The following USP40 variants were observed in gnomAD, a reference collection of about 807,000 sequenced individuals.
USP40 encodes ubiquitin carboxyl-terminal hydrolase 40.
Under a neutral mutation model 166.2 loss-of-function variants are expected in USP40, and 143 were observed. That is an observed-to-expected ratio of 0.86 (90% CI 0.75 to 0.99). USP40 has a LOEUF of 0.99. USP40 is among the 50% of genes least tolerant of loss of function. The pLI is 0.00. For missense variants in USP40, 1,444 were observed against 1,479.7 expected (o/e 0.98, Z 0.40); for synonymous variants, 498 against 524.0 (o/e 0.95, Z 0.68).
chr2:233,508,595 C>T (rs963558324), intron 21 of USP40, among the ~76,000 whole-genome samples: 1 of 152,002 alleles, frequency 6.6e-6, no homozygotes, highest in East Asian at 1.9e-4. Flanking sequence ...TTTTTTGGGG[C>T]TAGCAATCTT....
At position 233,486,577 on chromosome 2, in the gene USP40, G is replaced by T. The variant is rs527692774; in HGVS notation, c.3198-600C>A. ...TGCAGAGGTCAGCACAGGCCATGGA[G>T]GAAAAGCTATAGATAAGAACTGGAA... On this transcript the variant is annotated intron_variant, in intron 28 of 31. Coordinates refer to ENST00000678225, the MANE Select transcript of USP40 (RefSeq NM_001365479.2). This position sits in a 1 kb window ranked among gnomAD's most constrained non-coding sequence, Gnocchi z 4.0. Among the ~76,000 whole-genome samples the T allele has an allele frequency of 1.6e-4, 25 of 152,192 alleles. No individual in the cohort carries two copies. Among genetic ancestry groups the T allele is most frequent in the Non-Finnish European group, 3.5e-4 (24 of 68,028 alleles).
intron 3 of USP40, chr2:233,560,898 C>G: frequency 1.6e-6 from 1 of 613,920 alleles, no homozygotes. Flanking sequence ...GCAAATATTT[C>G]CTTCACCAGA....
intron 2 of USP40, among the ~76,000 whole-genome samples, chr2:233,564,483 T>G (rs888150412): frequency 7.2e-5 from 11 of 152,088 alleles, no homozygotes; most frequent in South Asian, 6.3e-4. Flanking sequence ...GAGAAATATA[T>G]AGAGAGAAAC....
At chr2:233,512,782 A>G in intron 18 of USP40, 160 bp from the exon 19 acceptor site, 1 of 359,236 alleles carries the variant, frequency 2.8e-6, no homozygotes. Context: ...AAAGCTAAAA[A>G]CAAAAACAAA....
rs1418685663 is a variant in USP40, at chr2:233,489,357, GA to G, written c.3131+7del. 6.3e-7 allele frequency: 1 copy of G among 1,578,138 alleles called. No homozygotes were observed. The highest frequency in any genetic ancestry group is 8.6e-7 in the Non-Finnish European group (1 of 1,161,460). ...GAGGGACAGTGTTGCGTCCAGCAAG[GA>G]ACCTACCTGAGTGGCTGCCGGTCAG... On this transcript the variant is annotated splice_region_variant and intron_variant, in intron 27 of 31. Coordinates refer to ENST00000678225, the MANE Select transcript of USP40 (RefSeq NM_001365479.2).
chr2:233,558,896 G>T (rs2071333836), intron 4 of USP40, among the ~76,000 whole-genome samples: 1 of 152,110 alleles, frequency 6.6e-6, no homozygotes, highest in African/African-American at 2.4e-5. Context: ...CATTTTGCTT[G>T]AAAGTCCATG....
At chr2:233,558,145 G>A (rs1219522943) in intron 4 of USP40, among the ~76,000 whole-genome samples, 1 of 151,128 alleles carries the variant, frequency 6.6e-6, no homozygotes, top group Non-Finnish European at 1.5e-5. Context: ...TGATGGGATA[G>A]AAAACTTGTG....
intron 22 of USP40, among the ~76,000 whole-genome samples, chr2:233,498,889 C>G (rs372939161): frequency 2.4e-4 from 36 of 152,054 alleles, no homozygotes; most frequent in African/African-American, 6.3e-4. Flanking sequence ...GTCATCTATA[C>G]CACAAAAATA....
chr2:233,562,815 G>A lies in USP40; in HGVS notation c.200-12C>T. Reference sequence around the variant, plus strand: ...AGAAAATAGAGCTTCTAAAGAAAAAGGTAGAATCAGAGATGCAAATGACAT... The same window carrying A: ...AGAAAATAGAGCTTCTAAAGAAAAAAGTAGAATCAGAGATGCAAATGACAT... On this transcript the variant is annotated splice_polypyrimidine_tract_variant and intron_variant, in intron 2 of 31. Coordinates refer to ENST00000678225, the MANE Select transcript of USP40 (RefSeq NM_001365479.2). The A allele has an allele frequency of 6.6e-7, 1 of 1,515,190 alleles. No individual in the cohort carries two copies. The highest frequency in any genetic ancestry group is 1.3e-5 in the South Asian group (1 of 77,578). The allele number at this position is 1,515,190 out of a possible 1,614,324, so 93.9% of individuals were successfully genotyped here.
At chr2:233,563,831 T>TC (rs944135711) in intron 2 of USP40, among the ~76,000 whole-genome samples, 3 of 152,088 alleles carry the variant, frequency 2.0e-5, no homozygotes, top group African/African-American at 7.2e-5. Flanking sequence ...TGGCCAGCAA[T>TC]CCCCTCTGCT....
At chr2:233,562,639 G>A (rs972501345) in intron 3 of USP40, 97 bp downstream of exon 3, 34 of 848,038 alleles carry the variant, frequency 4.0e-5, no homozygotes, top group African/African-American at 9.0e-5. Flanking sequence ...TGGGTGCAGC[G>A]CACCAGCATG....
At chr2:233,502,799 T>C (rs1214812645) in intron 21 of USP40, among the ~76,000 whole-genome samples, 1 of 152,126 alleles carries the variant, frequency 6.6e-6, no homozygotes, top group Non-Finnish European at 1.5e-5. Context: ...ATAGGGATCA[T>C]GCTACTGAGC....
chr2:233,477,064 T>C lies in USP40; in HGVS notation c.*328A>G. ...GAGCAACGGCATGCCGCTGCCTCCA[T>C]ACCTGCGGTTCACGCACACGTTGTG... is the stretch of plus-strand genomic sequence containing the variant. On this transcript the variant is annotated 3_prime_UTR_variant, in exon 32 of 32. Transcript: ENST00000678225. 2.7e-6 allele frequency: 1 copy of C among 366,620 alleles called. No individual in the cohort carries two copies. The highest frequency in any genetic ancestry group is 2.2e-5 in the South Asian group (1 of 46,302). The allele number at this position is 366,620 out of a possible 1,614,324, so 22.7% of individuals were successfully genotyped here. A position where few individuals can be genotyped will look rare whatever the true frequency, so the allele number is the denominator to read the frequency against.
chr2:233,493,345 C>T lies in USP40; in HGVS notation c.2917+80G>A. 1.9e-6 allele frequency: 3 copies of T among 1,572,882 alleles called. No individual in the cohort carries two copies. The highest frequency in any genetic ancestry group is 2.6e-6 in the Non-Finnish European group (3 of 1,147,042). On this transcript the variant is annotated intron_variant, in intron 25 of 31. Transcript: ENST00000678225. This position sits in a 1 kb window ranked among gnomAD's most constrained non-coding sequence, Gnocchi z 4.7. Reference sequence around the variant, plus strand: ...TCTTACGTTTTAAAAATAAATATATCAATTGACTCTCAGAGCACAGGCAGT... The same window carrying T: ...TCTTACGTTTTAAAAATAAATATATTAATTGACTCTCAGAGCACAGGCAGT...
intron 16 of USP40, among the ~76,000 whole-genome samples, chr2:233,522,721 C>T (rs968771821): frequency 2.0e-5 from 3 of 152,186 alleles, no homozygotes; most frequent in East Asian, 3.9e-4. Flanking sequence ...AGTCACAGAA[C>T]GGATTATAAG....
At chr2:233,508,461 C>T (rs2066580936) in intron 21 of USP40, among the ~76,000 whole-genome samples, 2 of 152,154 alleles carry the variant, frequency 1.3e-5, no homozygotes, top group Admixed American at 6.5e-5. Flanking sequence ...CCTCTGCCTC[C>T]TGTATTTCCT....
intron 30 of USP40, among the ~76,000 whole-genome samples, chr2:233,484,589 C>T (rs548324186): frequency 6.6e-6 from 1 of 151,956 alleles, no homozygotes; most frequent in Non-Finnish European, 1.5e-5. Flanking sequence ...CCTAGCGATC[C>T]TCCTACCTCA....
intron 30 of USP40, among the ~76,000 whole-genome samples, chr2:233,484,479 T>C (rs2064820742): frequency 6.6e-6 from 1 of 151,738 alleles, no homozygotes; most frequent in African/African-American, 2.4e-5. Context: ...ATCTCCTTTT[T>C]TTTTTTTTCT....
rs932353734 is a variant in USP40 at position 233,551,410 on chromosome 2, G to A, written c.803C>T (p.Pro268Leu). Reference sequence around the variant, plus strand: ...AAAGGGCTTGAGATTAATCCGGAGAGGGAATGTATAACAGCTAGTTTCCTT... The same window carrying A: ...AAAGGGCTTGAGATTAATCCGGAGAAGGAATGTATAACAGCTAGTTTCCTT... ...RYKETSCYTF[P>L]LRINLKPFCE... Residue 268 changes from proline (P) to leucine (L), a missense_variant, in exon 7 of 32, where the codon CCT (proline) becomes CTT (leucine). Transcript: ENST00000678225. The A allele has an allele frequency of 2.5e-6, 4 of 1,611,604 alleles. No individual in the cohort carries two copies. In the East Asian group the frequency reaches 6.7e-5, roughly 27 times the overall value.
Sources: allele counts gnomAD v4.1 joint callset (sites outside exome capture counted in the v4.1 genomes callset), GRCh38; gene constraint gnomAD v4.1.1; non-coding constraint Gnocchi (gnomAD v3.1); transcripts MANE v1.5; gene names NCBI Gene and HGNC (gene_info 2026-07-23, HGNC 2026-07-21).